The following DAPK2 variants were observed in gnomAD, a reference collection of about 807,000 sequenced individuals.
The protein encoded by DAPK2 is death associated protein kinase 2, also known as death-associated protein kinase 2.
In DAPK2, 35 loss-of-function variants were observed where a neutral mutation model predicts 44.1. The observed-to-expected ratio is 0.79, with a 90% CI of 0.61 to 1.05. The LOEUF (loss-of-function observed/expected upper bound fraction) is 1.05, where lower values mean the gene tolerates loss of function less well. DAPK2 is among the 50% of genes least tolerant of loss of function. DAPK2 has a pLI of 0.00. For missense variants in DAPK2, 453 were observed against 483.2 expected (o/e 0.94, Z 0.59); for synonymous variants, 174 against 182.6 (o/e 0.95, Z 0.38).
chr15:63,932,139 C>A (rs1191633152), intron 4 of DAPK2, among the ~76,000 whole-genome samples: 1 of 137,028 alleles, frequency 7.3e-6, no homozygotes, highest in Non-Finnish European at 1.5e-5. Flanking sequence ...TGCACGCCAG[C>A]CTGGGTGACA....
Position 64,002,973 on chromosome 15 carries a change from C to CGTGTGTGTGTGTGT in DAPK2, c.93-19220_93-19219insACACACACACACAC, listed in dbSNP as rs1567266632. On this transcript the variant is annotated intron_variant, in intron 1 of 10. Transcript: ENST00000261891. ...GTGTGTGTGTGTGTGTGTCGTGGGA[C>CGTGTGTGTGTGTGT]CTGTGTGTGTGTGTGTGTGTGTGTG... Among the ~76,000 whole-genome samples the CGTGTGTGTGTGTGT allele has an allele frequency of 7.0e-4, 53 of 75,508 alleles. 3 individuals are homozygous for CGTGTGTGTGTGTGT. Among genetic ancestry groups the CGTGTGTGTGTGTGT allele is most frequent in the African/African-American group, 2.9e-3 (49 of 16,690 alleles). 49.5% of individuals were successfully genotyped at this position (75,508 alleles called of 152,430 possible).
intron 1 of DAPK2, among the ~76,000 whole-genome samples, chr15:63,997,579 C>T (rs1343040925): frequency 6.6e-6 from 1 of 152,240 alleles, no homozygotes; most frequent in Non-Finnish European, 1.5e-5. Context: ...GATCTGCCCA[C>T]CTTGGCTTTC....
chr15:63,984,738 C>A (rs2078624204), intron 1 of DAPK2, among the ~76,000 whole-genome samples: 1 of 152,160 alleles, frequency 6.6e-6, no homozygotes, highest in Non-Finnish European at 1.5e-5. Flanking sequence ...AGCTTAATGG[C>A]TCAATAAGGG....
intron 1 of DAPK2, among the ~76,000 whole-genome samples, chr15:63,998,419 A>T (rs1160773038): frequency 2.6e-5 from 4 of 152,186 alleles, no homozygotes; most frequent in African/African-American, 9.6e-5. Context: ...AGGGCCCAGG[A>T]GAGCCAAAGG....
chr15:64,005,869 G>GA (rs1174732462), intron 1 of DAPK2, among the ~76,000 whole-genome samples: 9 of 151,642 alleles, frequency 5.9e-5, no homozygotes, highest in Admixed American at 5.3e-4. Flanking sequence ...TCTCTAAAAA[G>GA]AAAAAAATTT....
chr15:64,025,822 C>T (rs1595906881), intron 1 of DAPK2, among the ~76,000 whole-genome samples: 1 of 152,084 alleles, frequency 6.6e-6, no homozygotes, highest in East Asian at 1.9e-4. Flanking sequence ...ACAGCTGTTC[C>T]AATGAAAAGA....
chr15:63,933,686 C>T (rs575496359), intron 4 of DAPK2, among the ~76,000 whole-genome samples: 1 of 151,032 alleles, frequency 6.6e-6, no homozygotes, highest in Non-Finnish European at 1.5e-5. Context: ...GCTGACTCAA[C>T]CCCCTAGGGT....
chr15:64,041,205 G>A (rs927647042), upstream of DAPK2, among the ~76,000 whole-genome samples: 1 of 152,230 alleles, frequency 6.6e-6, no homozygotes, highest in Non-Finnish European at 1.5e-5. Context: ...CAGGAGGAGT[G>A]AGGCAAATTC....
chr15:64,025,187 C>T (rs2079803252), intron 1 of DAPK2, among the ~76,000 whole-genome samples: 1 of 152,148 alleles, frequency 6.6e-6, no homozygotes, highest in African/African-American at 2.4e-5. Context: ...AGGTTTAAAT[C>T]CCAGCTCAGA....
chr15:64,042,560 T>A (rs1431996851), upstream of DAPK2, among the ~76,000 whole-genome samples: 1 of 152,134 alleles, frequency 6.6e-6, no homozygotes, highest in African/African-American at 2.4e-5. The surrounding 1 kb of genome is among the most constrained non-coding windows in gnomAD (Gnocchi z 4.7). Flanking sequence ...AAGCCCCAGT[T>A]CCCAGCAAAA....
chr15:64,008,027 A>G (rs1567269900), intron 1 of DAPK2, among the ~76,000 whole-genome samples: 1 of 152,192 alleles, frequency 6.6e-6, no homozygotes, highest in Non-Finnish European at 1.5e-5. Flanking sequence ...GTTTGGGAGA[A>G]GCAGAGAGTG....
intron 6 of DAPK2, among the ~76,000 whole-genome samples, chr15:63,929,198 CA>C (rs10568768): frequency 0.86 from 111,954 of 130,850 alleles, 47,889 homozygotes; most frequent in East Asian, 0.92. Flanking sequence ...GACTCTGTCT[CA>C]AAAAAAAAAA....
chr15:63,978,796 G>C (rs1402419529), intron 2 of DAPK2, among the ~76,000 whole-genome samples: 2 of 152,088 alleles, frequency 1.3e-5, no homozygotes, highest in Non-Finnish European at 2.9e-5. Flanking sequence ...AAAGCCTCAC[G>C]ACCTGGCCTC....
At chr15:63,935,235 C>T (rs1000459745) in intron 4 of DAPK2, among the ~76,000 whole-genome samples, 8 of 151,648 alleles carry the variant, frequency 5.3e-5, no homozygotes, top group African/African-American at 1.5e-4. Flanking sequence ...GGATTACAAG[C>T]GTGCGCCACC....
chr15:63,966,916 C>T lies in DAPK2; in HGVS notation c.453+4507G>A, dbSNP rs4776695. Among the ~76,000 whole-genome samples, 66,837 of 152,070 alleles carry T rather than the reference C, an allele frequency of 0.44. 16,273 individuals carry two copies. Among genetic ancestry groups the T allele is most frequent in the East Asian group, 0.96 (4,998 of 5,180 alleles). On this transcript the variant is annotated intron_variant, in intron 3 of 10. Transcript: ENST00000261891. The surrounding 1 kb of genome is among the most constrained non-coding windows in gnomAD (Gnocchi z 5.5). Reference sequence around the variant, plus strand: ...GTACTGTGGGCCGGGCGCAGTGGCTCACACCTGTAATCCCAGCACTTTGGG... The same window carrying T: ...GTACTGTGGGCCGGGCGCAGTGGCTTACACCTGTAATCCCAGCACTTTGGG...
chr15:63,971,056 A>C (rs951295544), intron 3 of DAPK2, among the ~76,000 whole-genome samples: 1 of 152,306 alleles, frequency 6.6e-6, no homozygotes, highest in Non-Finnish European at 1.5e-5. Flanking sequence ...CAATCCTCCA[A>C]ACATTTCTAG....
At chr15:63,914,065 A>G (rs534792780) in intron 8 of DAPK2, among the ~76,000 whole-genome samples, 1 of 152,296 alleles carries the variant, frequency 6.6e-6, no homozygotes, top group Admixed American at 6.5e-5. Flanking sequence ...TGTTGGAGAG[A>G]TAAGTTGGAA....
At chr15:63,964,996 T>C (rs758531077) in intron 3 of DAPK2, among the ~76,000 whole-genome samples, 2 of 152,228 alleles carry the variant, frequency 1.3e-5, no homozygotes, top group Non-Finnish European at 2.9e-5. Context: ...CTGGATGGTT[T>C]TGATGCTTGT....
chr15:63,925,976 C>T (rs370261355), exon 7 of DAPK2: 19 of 1,614,062 alleles, frequency 1.2e-5, no homozygotes, highest in Non-Finnish European at 1.5e-5. Flanking sequence ...GAATAAAGTC[C>T]TTGGCCAGCT....
Sources: gnomAD v4.1 joint callset for allele counts (sites outside exome capture counted in the v4.1 genomes callset) on GRCh38, gnomAD v4.1.1 for gene constraint, Gnocchi (gnomAD v3.1) non-coding constraint, MANE v1.5 for transcripts, NCBI Gene and HGNC (gene_info 2026-07-23, HGNC 2026-07-21) for gene names.